The following ERC2 variants were observed in gnomAD, a reference collection of about 807,000 sequenced individuals.
ERC2 encodes ERC protein 2.
A neutral mutation model predicts 114.8 loss-of-function variants in ERC2; 42 were observed. That is an observed-to-expected ratio of 0.37 (90% CI 0.29 to 0.47). The LOEUF (loss-of-function observed/expected upper bound fraction) is 0.47. Among genes scored for constraint, ERC2 ranks in the 20% least tolerant of loss-of-function variants. The probability of loss-of-function intolerance (pLI) is 0.99; values close to 1 mark genes in which losing one functional copy is unlikely to be tolerated. For missense variants in ERC2, 939 were observed against 1,150.7 expected (o/e 0.82, Z 2.66); for synonymous variants, 454 against 425.5 (o/e 1.07, Z -0.82).
At chr3:56,273,248 C>CT (rs994784733) in intron 3 of ERC2, among the ~76,000 whole-genome samples, 1 of 125,906 alleles carries the variant, frequency 7.9e-6, no homozygotes, top group African/African-American at 2.8e-5. Context: ...ACACCTCCCA[C>CT]TTTTTTTTTC....
intron 2 of ERC2, among the ~76,000 whole-genome samples, chr3:56,420,479 A>G (rs1411713230): frequency 6.6e-6 from 1 of 151,982 alleles, no homozygotes; most frequent in East Asian, 1.9e-4. Flanking sequence ...TGCCTGGCCC[A>G]ATTATACTTA....
At chr3:55,981,875 C>G (rs1346855605) in intron 12 of ERC2, among the ~76,000 whole-genome samples, 3 of 152,144 alleles carry the variant, frequency 2.0e-5, no homozygotes, top group Non-Finnish European at 4.4e-5. Context: ...TGGGGTGAGA[C>G]AAACCCAATG....
chr3:56,095,590 T>C (rs1360467586), intron 6 of ERC2, among the ~76,000 whole-genome samples: 1 of 152,230 alleles, frequency 6.6e-6, no homozygotes, highest in African/African-American at 2.4e-5. Context: ...GCCTCCTTCA[T>C]GCTCAGTTAA....
At chr3:56,412,990 C>T (rs950700665) in intron 2 of ERC2, among the ~76,000 whole-genome samples, 2 of 152,188 alleles carry the variant, frequency 1.3e-5, no homozygotes, top group African/African-American at 4.8e-5. Context: ...GGTTGGACAT[C>T]AAGAGGTAAT....
chr3:56,120,703 G>A (rs954439243), intron 6 of ERC2, among the ~76,000 whole-genome samples: 26 of 152,144 alleles, frequency 1.7e-4, no homozygotes, highest in African/African-American at 6.0e-4. Flanking sequence ...TGATGCAGAG[G>A]GTTCAAATAT....
intron 1 of ERC2, among the ~76,000 whole-genome samples, chr3:56,462,725 G>A (rs1440646419): frequency 6.6e-6 from 1 of 152,172 alleles, no homozygotes; most frequent in Non-Finnish European, 1.5e-5. Flanking sequence ...CAAAATAGGT[G>A]ATAGCACCTA....
At chr3:55,945,541 T>C (rs539481830) in intron 13 of ERC2, among the ~76,000 whole-genome samples, 2 of 152,352 alleles carry the variant, frequency 1.3e-5, no homozygotes, top group East Asian at 1.9e-4. Context: ...ACTATATGTT[T>C]TGCTGAAAGC....
intron 2 of ERC2, among the ~76,000 whole-genome samples, chr3:56,369,520 C>T (rs2059280947): frequency 6.6e-6 from 1 of 152,214 alleles, no homozygotes; most frequent in Non-Finnish European, 1.5e-5. Flanking sequence ...TTGAATTCAA[C>T]ACATTTCCTA....
At chr3:56,206,032 C>G (rs923770373) in intron 3 of ERC2, among the ~76,000 whole-genome samples, 2 of 152,166 alleles carry the variant, frequency 1.3e-5, no homozygotes, top group African/African-American at 4.8e-5. Flanking sequence ...ACTGTAAGTT[C>G]ATGATGGAAT....
chr3:56,244,623 T>TA lies in ERC2; in HGVS notation c.1074+51395dup, dbSNP rs138846129. Reference sequence around the variant, plus strand: ...GTTTTTAACAAAAAAGTTAAAACAGTAAAAAAAATTAACAGAAAAAAGTTC... The same window carrying TA: ...GTTTTTAACAAAAAAGTTAAAACAGTAAAAAAAAATTAACAGAAAAAAGTTC... On this transcript the variant is annotated intron_variant, in intron 3 of 17. Transcript: ENST00000288221. Among the ~76,000 whole-genome samples the TA allele has an allele frequency of 2.0e-5, 3 of 151,702 alleles. No homozygotes were observed. The East Asian group carries it at 5.8e-4, about 29-fold the overall frequency.
intron 17 of ERC2, among the ~76,000 whole-genome samples, chr3:55,529,831 G>T (rs1370268835): frequency 6.6e-6 from 1 of 152,190 alleles, no homozygotes; most frequent in Non-Finnish European, 1.5e-5. Context: ...CACAGGAGAA[G>T]TAATATGGCT....
chr3:56,217,339 A>T (rs1479975598), intron 3 of ERC2, among the ~76,000 whole-genome samples: 1 of 152,212 alleles, frequency 6.6e-6, no homozygotes, highest in Non-Finnish European at 1.5e-5. Flanking sequence ...ATTCTTATAC[A>T]CCAATAACAG....
intron 15 of ERC2, 148 bp downstream of exon 15, chr3:55,734,623 C>A: frequency 1.2e-6 from 1 of 855,238 alleles, no homozygotes; most frequent in Non-Finnish European, 1.7e-6. Context: ...GGTGTTGCAG[C>A]GACAACTGGG....
At chr3:55,511,991 C>G (rs1239523233) in intron 17 of ERC2, among the ~76,000 whole-genome samples, 1 of 152,212 alleles carries the variant, frequency 6.6e-6, no homozygotes, top group Non-Finnish European at 1.5e-5. Flanking sequence ...TTATCATTCA[C>G]ATATGGCCTG....
At chr3:55,608,208 T>A (rs1004635751) in intron 17 of ERC2, among the ~76,000 whole-genome samples, 1 of 152,076 alleles carries the variant, frequency 6.6e-6, no homozygotes, top group Non-Finnish European at 1.5e-5. Context: ...ACAAACAACA[T>A]CCTTGACTGA....
At chr3:56,391,302 A>G (rs994914691) in intron 2 of ERC2, among the ~76,000 whole-genome samples, 2 of 152,202 alleles carry the variant, frequency 1.3e-5, no homozygotes, top group Non-Finnish European at 2.9e-5. Flanking sequence ...GCCTGGTCAC[A>G]ACTTCCAATG....
At chr3:55,514,321 G>A (rs1334248637) in intron 17 of ERC2, among the ~76,000 whole-genome samples, 4 of 152,150 alleles carry the variant, frequency 2.6e-5, no homozygotes, top group Non-Finnish European at 4.4e-5. Flanking sequence ...CAACTGAACT[G>A]GGGAGGTCGA....
intron 17 of ERC2, among the ~76,000 whole-genome samples, chr3:55,643,421 T>C (rs2060268472): frequency 6.6e-6 from 1 of 152,230 alleles, no homozygotes; most frequent in South Asian, 2.1e-4. Context: ...TAATGCCTCC[T>C]CTAGGGTGTG....
At chr3:56,070,523 C>A (rs1336747139) in intron 7 of ERC2, among the ~76,000 whole-genome samples, 1 of 151,692 alleles carries the variant, frequency 6.6e-6, no homozygotes, top group Non-Finnish European at 1.5e-5. Context: ...AGGTCTTAAC[C>A]CAGAAGCAAA....
Sources: allele counts gnomAD v4.1 joint callset (sites outside exome capture counted in the v4.1 genomes callset), GRCh38; gene constraint gnomAD v4.1.1; transcripts MANE v1.5; gene names NCBI Gene and HGNC (gene_info 2026-07-23, HGNC 2026-07-21).